MGAT5: variants seen among roughly 807,000 people sequenced by gnomAD.
MGAT5 encodes the protein alpha-1,6-mannosylglycoprotein 6-beta-N-acetylglucosaminyltransferase, also known as alpha-1,6-mannosylglycoprotein 6-beta-N-acetylglucosaminyltransferase A.
In MGAT5, 30 loss-of-function variants were observed where a neutral mutation model predicts 94.3. That is an observed-to-expected ratio of 0.32 (90% CI 0.24 to 0.43). The LOEUF (loss-of-function observed/expected upper bound fraction) is 0.43. MGAT5 is among the 20% of genes least tolerant of loss of function. The pLI is 1.00. For synonymous variants in MGAT5, 310 were observed against 322.9 expected (o/e 0.96, Z 0.43); for missense variants, 691 against 905.5 (o/e 0.76, Z 3.04).
chr2:134,176,505 G>A (rs1251788740), intron 1 of MGAT5, among the ~76,000 whole-genome samples: 2 of 145,144 alleles, frequency 1.4e-5, no homozygotes, highest in African/African-American at 2.6e-5. Flanking sequence ...CCCAGGAAAC[G>A]GAGGTTGCAG....
intron 8 of MGAT5, among the ~76,000 whole-genome samples, chr2:134,347,938 A>G (rs1449279971): frequency 2.0e-5 from 3 of 152,170 alleles, no homozygotes; most frequent in Admixed American, 2.0e-4. Flanking sequence ...GGTGAATCCC[A>G]GCTCTGGTTC....
intron 9 of MGAT5, among the ~76,000 whole-genome samples, chr2:134,358,852 T>C (rs922461759): frequency 1.3e-5 from 2 of 152,228 alleles, no homozygotes; most frequent in African/African-American, 4.8e-5. Context: ...TATTGTAGTT[T>C]GTCAATACTT....
intron 9 of MGAT5, among the ~76,000 whole-genome samples, chr2:134,362,002 A>G (rs946004118): frequency 6.6e-6 from 1 of 152,198 alleles, no homozygotes; most frequent in African/African-American, 2.4e-5. Context: ...AAGAGAGTAC[A>G]CAGCTTAATG....
rs182033620 is a variant in MGAT5 at position 134,153,755 on chromosome 2, G to A, written c.-143+33464G>A. ...CTCAGAGTCTTACAGGCCACTCGAGGACGATTTCCTTATAGCAGACGACTG... is the reference window on the plus strand; with the variant it reads ...CTCAGAGTCTTACAGGCCACTCGAGAACGATTTCCTTATAGCAGACGACTG... On this transcript the variant is annotated intron_variant, in intron 1 of 16. Transcript: ENST00000409645. 3.1e-3 allele frequency among the ~76,000 whole-genome samples: 474 copies of A among 152,240 alleles called. 1 individual carries two copies. Among genetic ancestry groups the A allele is most frequent in the Middle Eastern group, 6.8e-3 (2 of 294 alleles).
chr2:134,323,427 C>G (rs568190540), intron 4 of MGAT5, among the ~76,000 whole-genome samples: 1 of 152,068 alleles, frequency 6.6e-6, no homozygotes, highest in Non-Finnish European at 1.5e-5. Flanking sequence ...CCACAGGGGT[C>G]TTGAAACCAG....
intron 10 of MGAT5, among the ~76,000 whole-genome samples, chr2:134,395,292 G>A (rs1365331464): frequency 3.3e-5 from 5 of 152,238 alleles, no homozygotes; most frequent in African/African-American, 9.6e-5. Context: ...AAACTGGCTG[G>A]TGGTTCCCCA....
chr2:134,370,484 G>GA (rs1680714253), intron 10 of MGAT5, among the ~76,000 whole-genome samples: 1 of 152,240 alleles, frequency 6.6e-6, no homozygotes, highest in African/African-American at 2.4e-5. Context: ...GTTCCAACCA[G>GA]AAGAACATTA....
intron 12 of MGAT5, among the ~76,000 whole-genome samples, chr2:134,413,608 T>G (rs1441707197): frequency 6.6e-6 from 1 of 152,188 alleles, no homozygotes. Flanking sequence ...TGGATTTGAT[T>G]TAGGGCAATA....
chr2:134,262,575 G>C (rs1001508055), intron 1 of MGAT5, among the ~76,000 whole-genome samples: 1 of 152,058 alleles, frequency 6.6e-6, no homozygotes, highest in Admixed American at 6.6e-5. Context: ...TTCTAAAGAT[G>C]GAATCTCACT....
chr2:134,362,071 C>G (rs1680131364), intron 9 of MGAT5, among the ~76,000 whole-genome samples: 1 of 152,182 alleles, frequency 6.6e-6, no homozygotes, highest in South Asian at 2.1e-4. Context: ...TTAATCCATC[C>G]TAGAGAGAAG....
At chr2:134,150,567 T>C (rs2105003533) in intron 1 of MGAT5, among the ~76,000 whole-genome samples, 1 of 152,358 alleles carries the variant, frequency 6.6e-6, no homozygotes, top group East Asian at 1.9e-4. Flanking sequence ...ACCACGCTTG[T>C]GCTGGGTTTG....
intron 10 of MGAT5, among the ~76,000 whole-genome samples, chr2:134,396,993 C>T (rs1558856081): frequency 6.6e-6 from 1 of 152,142 alleles, no homozygotes; most frequent in African/African-American, 2.4e-5. Context: ...TTAGCAGTGG[C>T]AGACCAGGTG....
intron 10 of MGAT5, among the ~76,000 whole-genome samples, chr2:134,391,317 A>G (rs1682392227): frequency 6.6e-6 from 1 of 152,200 alleles, no homozygotes; most frequent in Non-Finnish European, 1.5e-5. Context: ...TGGCACTTCT[A>G]AGCAGGAGAG....
intron 1 of MGAT5, among the ~76,000 whole-genome samples, chr2:134,206,055 T>A (rs796199799): frequency 3.3e-5 from 5 of 152,356 alleles, no homozygotes; most frequent in African/African-American, 9.6e-5. Context: ...TTACATTGCC[T>A]TATATTTGTG....
intron 1 of MGAT5, among the ~76,000 whole-genome samples, chr2:134,147,918 G>A (rs1374380788): frequency 6.6e-6 from 1 of 152,162 alleles, no homozygotes; most frequent in African/African-American, 2.4e-5. Flanking sequence ...CTTGACCTTT[G>A]TCATTAATAA....
At chr2:134,408,236 T>C (rs1683454512) in intron 11 of MGAT5, among the ~76,000 whole-genome samples, 1 of 152,194 alleles carries the variant, frequency 6.6e-6, no homozygotes, top group Admixed American at 6.5e-5. Context: ...AGTGGACTTT[T>C]AATGGTGAGC....
intron 2 of MGAT5, among the ~76,000 whole-genome samples, chr2:134,299,049 A>C (rs2105812103): frequency 6.6e-6 from 1 of 152,316 alleles, no homozygotes; most frequent in South Asian, 2.1e-4. Context: ...CTTCTTGCCC[A>C]AAAACACTTG....
At chr2:134,406,329 C>T (rs1450965836) in intron 11 of MGAT5, among the ~76,000 whole-genome samples, 2 of 152,212 alleles carry the variant, frequency 1.3e-5, no homozygotes, top group Non-Finnish European at 1.5e-5. Context: ...GCTGTGGCTT[C>T]TGCACATACT....
intron 1 of MGAT5, among the ~76,000 whole-genome samples, chr2:134,240,018 G>A (rs1258029832): frequency 1.3e-5 from 2 of 151,846 alleles, no homozygotes; most frequent in Admixed American, 1.3e-4. Context: ...CCAACTGGTT[G>A]TTCAGATACC....
Sources: allele counts gnomAD v4.1 joint callset (sites outside exome capture counted in the v4.1 genomes callset), GRCh38; gene constraint gnomAD v4.1.1; transcripts MANE v1.5; gene names NCBI Gene and HGNC (gene_info 2026-07-23, HGNC 2026-07-21).